Variants in ZNF718 observed in about 807,000 individuals in gnomAD.
ZNF718 encodes the protein zinc finger protein 718.
In ZNF718, 3 loss-of-function variants were observed where a neutral mutation model predicts 2.6. That is an observed-to-expected ratio of 1.16 (90% CI 0.53 to 3.01). The LOEUF (loss-of-function observed/expected upper bound fraction) is 3.01, where lower values mean the gene tolerates loss of function less well. ZNF718 is among the 30% of genes most tolerant of loss of function. The pLI is 0.03. For missense variants in ZNF718, 468 were observed against 230.0 expected, an observed-to-expected ratio of 2.03 and a Z score of -6.69; for synonymous variants, 135 against 77.9, an observed-to-expected ratio of 1.73 and a Z score of -3.86.
In ZNF718 at chr4:173,133, C is replaced by A. The variant is rs1331455504; in HGVS notation, c.227-27948C>A. On this transcript the variant is annotated intron_variant and NMD_transcript_variant, in intron 3 of 4. Transcript: ENST00000642529. ...ATACCATATAAACTCTAGAAATTGC[C>A]CTTTGGTACTGACATGTACTTGGGA... Among the ~76,000 whole-genome samples the A allele has an allele frequency of 2.0e-5, 3 of 151,988 alleles. No individual in the cohort carries two copies. The East Asian group carries it at 5.8e-4, about 29-fold the overall frequency.
intron 3 of ZNF718, among the ~76,000 whole-genome samples, chr4:195,147 A>T (rs1203391338): frequency 6.6e-6 from 1 of 152,140 alleles, no homozygotes; most frequent in Non-Finnish European, 1.5e-5. Context: ...CCCCATCAAG[A>T]TGCATCCCTA....
At chr4:164,375 A>C (rs374061593), downstream of ZNF718, among the ~76,000 whole-genome samples, 6 of 152,182 alleles carry the variant, frequency 3.9e-5, no homozygotes, top group East Asian at 1.2e-3. Context: ...TAATATATAT[A>C]ACTTACTAGA....
chr4:193,525 G>A (rs1036520933), intron 3 of ZNF718, among the ~76,000 whole-genome samples: 1 of 152,132 alleles, frequency 6.6e-6, no homozygotes, highest in Non-Finnish European at 1.5e-5. Context: ...AGAAAGGAGT[G>A]GGGCTTTCAG....
chr4:188,564 T>C (rs936838512), intron 3 of ZNF718, among the ~76,000 whole-genome samples: 7 of 152,178 alleles, frequency 4.6e-5, no homozygotes, highest in Admixed American at 2.0e-4. Flanking sequence ...ACCTCCCACC[T>C]TGTCTGAGTT....
intron 3 of ZNF718, among the ~76,000 whole-genome samples, chr4:150,613 T>G (rs1716273814): frequency 6.6e-6 from 1 of 152,132 alleles, no homozygotes; most frequent in Non-Finnish European, 1.5e-5. Flanking sequence ...AATAGTATTT[T>G]GTTGTGTATC....
chr4:154,265 T>C (rs528108993), intron 3 of ZNF718, among the ~76,000 whole-genome samples: 5 of 152,204 alleles, frequency 3.3e-5, no homozygotes, highest in Admixed American at 3.3e-4. Flanking sequence ...TTATCAGCAG[T>C]GTGAAAATGG....
chr4:139,753 A>G (rs1553810012), intron 3 of ZNF718, among the ~76,000 whole-genome samples: 1 of 152,134 alleles, frequency 6.6e-6, no homozygotes, highest in East Asian at 1.9e-4. Context: ...TTTGGGATTC[A>G]TTTTTCTCTC....
intron 3 of ZNF718, among the ~76,000 whole-genome samples, chr4:153,839 A>G (rs1170522120): frequency 6.6e-6 from 1 of 152,232 alleles, no homozygotes; most frequent in African/African-American, 2.4e-5. Flanking sequence ...AGAACAAAAA[A>G]AGCAGAAAAT....
At chr4:156,842 T>C (rs1306405848) in intron 3 of ZNF718, among the ~76,000 whole-genome samples, 1 of 152,180 alleles carries the variant, frequency 6.6e-6, no homozygotes, top group African/African-American at 2.4e-5. Context: ...ATCCATCTGA[T>C]GAGAGACATT....
At chr4:158,073 G>A (rs1553814046) in intron 3 of ZNF718, among the ~76,000 whole-genome samples, 1 of 152,078 alleles carries the variant, frequency 6.6e-6, no homozygotes, top group Non-Finnish European at 1.5e-5. Context: ...TGGGTTTCCA[G>A]TAAATGAACA....
chr4:197,625 C>A (rs767920902), intron 3 of ZNF718, among the ~76,000 whole-genome samples: 2 of 152,204 alleles, frequency 1.3e-5, no homozygotes, highest in Non-Finnish European at 1.5e-5. Context: ...TACTCAGCTA[C>A]AGAGCCTCAC....
At chr4:145,469 C>A (rs746289127) in intron 3 of ZNF718, among the ~76,000 whole-genome samples, 2 of 152,114 alleles carry the variant, frequency 1.3e-5, no homozygotes, top group Non-Finnish European at 2.9e-5. Context: ...AACAATGTAA[C>A]TTCTTTTTTT....
chr4:193,970 C>G (rs1392189746), intron 3 of ZNF718, among the ~76,000 whole-genome samples: 8 of 152,106 alleles, frequency 5.3e-5, no homozygotes, highest in Non-Finnish European at 1.2e-4. Flanking sequence ...TGGAAGCAGC[C>G]CCTATTAGGC....
At chr4:126,152 A>G (rs1023762861) in intron 1 of ZNF718, among the ~76,000 whole-genome samples, 8 of 152,146 alleles carry the variant, frequency 5.3e-5, no homozygotes, top group Admixed American at 5.2e-4. Context: ...TTCTGTGCAT[A>G]CAGTGTGCCC....
At chr4:184,451 A>G (rs1341313791) in intron 3 of ZNF718, among the ~76,000 whole-genome samples, 1 of 152,164 alleles carries the variant, frequency 6.6e-6, no homozygotes, top group Non-Finnish European at 1.5e-5. Context: ...TTTATCAATA[A>G]TATTGGCCTG....
intron 3 of ZNF718, among the ~76,000 whole-genome samples, chr4:179,155 A>G (rs554921354): frequency 6.6e-6 from 1 of 152,246 alleles, no homozygotes; most frequent in Non-Finnish European, 1.5e-5. Flanking sequence ...CCTTTTCTTC[A>G]CTGTTTGGTC....
intron 3 of ZNF718, among the ~76,000 whole-genome samples, chr4:183,584 A>C (rs1448173068): frequency 1.3e-5 from 2 of 152,088 alleles, no homozygotes; most frequent in East Asian, 3.9e-4. Context: ...TGAATCTATA[A>C]ATTTCTTTGG....
chr4:193,153 A>T (rs1717725774), intron 3 of ZNF718, among the ~76,000 whole-genome samples: 1 of 152,102 alleles, frequency 6.6e-6, no homozygotes, highest in African/African-American at 2.4e-5. Context: ...ATTACACCTT[A>T]CTAGGGGTCC....
downstream of ZNF718, among the ~76,000 whole-genome samples, chr4:164,422 C>T (rs1717038691): frequency 6.6e-6 from 1 of 152,002 alleles, no homozygotes; most frequent in Non-Finnish European, 1.5e-5. Flanking sequence ...ATCAAATCTA[C>T]ACTATATTCT....
Sources: gnomAD v4.1 joint callset for allele counts (sites outside exome capture counted in the v4.1 genomes callset) on GRCh38, gnomAD v4.1.1 for gene constraint, MANE v1.5 for transcripts, NCBI Gene and HGNC (gene_info 2026-07-23, HGNC 2026-07-21) for gene names.